The following ZNF790 variants were observed in gnomAD, a reference collection of about 807,000 sequenced individuals.
ZNF790 encodes the protein zinc finger protein 790.
A neutral mutation model predicts 12.1 loss-of-function variants in ZNF790; 8 were observed. The observed-to-expected ratio is 0.66, with a 90% CI of 0.39 to 1.19. ZNF790 has a LOEUF of 1.19. Ranked by LOEUF, ZNF790 falls within the 50% of genes most tolerant of loss-of-function variation. ZNF790 has a pLI of 0.01. For synonymous variants in ZNF790, 252 were observed against 244.3 expected, an observed-to-expected ratio of 1.03 and a Z score of -0.29; for missense variants, 707 against 752.2, an observed-to-expected ratio of 0.94 and a Z score of 0.70.
Position 36,818,221 on chromosome 19 carries a change from T to C in ZNF790, c.*212A>G, listed in dbSNP as rs1276830650. The C allele has an allele frequency of 7.9e-6, 3 of 379,222 alleles. No individual in the cohort carries two copies. Among genetic ancestry groups the C allele is most frequent in the African/African-American group, 4.1e-5 (2 of 48,680 alleles). The allele number at this position is 379,222 out of a possible 1,614,324, so 23.5% of individuals were successfully genotyped here. ...TATCTCATAAAATTTTACCCTGATATTCTGCAATTGATAACTGATCAGTAA... is the reference window on the plus strand; with the variant it reads ...TATCTCATAAAATTTTACCCTGATACTCTGCAATTGATAACTGATCAGTAA... On this transcript the variant is annotated 3_prime_UTR_variant, in exon 5 of 5. Transcript: ENST00000356725.
At chr19:36,847,520 C>A (rs968392405) in intron 1 of ZNF790, among the ~76,000 whole-genome samples, 1 of 151,012 alleles carries the variant, frequency 6.6e-6, no homozygotes, top group South Asian at 2.1e-4. Flanking sequence ...GAGGCCGAGG[C>A]GGGTGGATCA....
chr19:36,827,068 TTGTG>T (rs1174218490), intron 1 of ZNF790, among the ~76,000 whole-genome samples: 46 of 145,660 alleles, frequency 3.2e-4, no homozygotes, highest in African/African-American at 6.5e-4. Context: ...TATATGTGTG[TTGTG>T]TGTGTATGTG....
At chr19:36,824,330 A>G (rs1390430155) in intron 2 of ZNF790, among the ~76,000 whole-genome samples, 1 of 151,464 alleles carries the variant, frequency 6.6e-6, no homozygotes, top group South Asian at 2.1e-4. Context: ...TTTACGAGAC[A>G]GAGTGTTGCT....
At chr19:36,848,497 A>G (rs1435819636) in intron 1 of ZNF790, among the ~76,000 whole-genome samples, 1 of 152,152 alleles carries the variant, frequency 6.6e-6, no homozygotes, top group African/African-American at 2.4e-5. Context: ...TCACTCAACC[A>G]AGAGCCTTAG....
intron 1 of ZNF790, among the ~76,000 whole-genome samples, chr19:36,831,548 C>A (rs1180461231): frequency 2.0e-5 from 3 of 152,148 alleles, no homozygotes; most frequent in South Asian, 2.1e-4. Context: ...CACAGTGAGA[C>A]CCCCATCTCT....
intron 4 of ZNF790, among the ~76,000 whole-genome samples, chr19:36,821,839 G>C (rs944607658): frequency 6.6e-6 from 1 of 152,002 alleles, no homozygotes; most frequent in African/African-American, 2.4e-5. Flanking sequence ...CACCCGCCTC[G>C]GCCTTCTAAA....
In ZNF790 at chr19:36,819,333, A is replaced by G; in HGVS notation, c.1011T>C (p.Pro337=). 1 of 1,612,128 alleles carries G rather than the reference A, an allele frequency of 6.2e-7. No homozygotes were observed. Among genetic ancestry groups the G allele is most frequent in the Non-Finnish European group, 8.5e-7 (1 of 1,178,862 alleles). The change falls in exon 5 of 5, where the codon CCT becomes CCC. Residue 337 remains proline (P), a synonymous_variant. Transcript: ENST00000356725. ...KHQRIHTGEK[P]YECKECGKAF... ...CTTTCCCACACTCCTTACATTCATA[A>G]GGTTTTTCACCAGTGTGAATTCTCT... is the stretch of plus-strand genomic sequence containing the variant.
intron 1 of ZNF790, among the ~76,000 whole-genome samples, chr19:36,845,801 T>TTC (rs1246017027): frequency 6.6e-6 from 1 of 151,576 alleles, no homozygotes; most frequent in African/African-American, 2.4e-5. Context: ...CTAGATTCTT[T>TTC]TTTTTTTTTT....
intron 1 of ZNF790, among the ~76,000 whole-genome samples, chr19:36,847,298 C>A (rs1384129545): frequency 6.6e-6 from 1 of 151,778 alleles, no homozygotes; most frequent in Non-Finnish European, 1.5e-5. Flanking sequence ...TTGCAGTGAG[C>A]CGAGATTGCG....
intron 1 of ZNF790, among the ~76,000 whole-genome samples, chr19:36,847,632 C>T (rs2072192508): frequency 6.6e-6 from 1 of 151,946 alleles, no homozygotes; most frequent in Non-Finnish European, 1.5e-5. Flanking sequence ...TGCCTGTAAT[C>T]CCAGCTACTT....
At chr19:36,827,139 C>CATATATATATATATATATAT (rs1292370504) in intron 1 of ZNF790, among the ~76,000 whole-genome samples, 1 of 70,208 alleles carries the variant, frequency 1.4e-5, no homozygotes, top group African/African-American at 6.2e-5. Flanking sequence ...CACACACACA[C>CATATATATATATATATATAT]ACATATATAT....
chr19:36,823,896 G>C, intron 2 of ZNF790, 106 bp from the exon 3 acceptor site: 1 of 1,052,064 alleles, frequency 9.5e-7, no homozygotes, highest in Non-Finnish European at 1.3e-6. Context: ...GCAGGGAGTG[G>C]GGCATATATT....
intron 1 of ZNF790, among the ~76,000 whole-genome samples, chr19:36,847,012 A>T (rs2072186307): frequency 1.3e-5 from 2 of 151,770 alleles, no homozygotes; most frequent in African/African-American, 2.4e-5. Context: ...TTCTTGGTTC[A>T]TGGGTCCTAA....
chr19:36,842,691 A>G (rs543614578), upstream of ZNF790, among the ~76,000 whole-genome samples: 1 of 151,824 alleles, frequency 6.6e-6, no homozygotes, highest in South Asian at 2.1e-4. Context: ...AAAGCTTTTT[A>G]ACTTTTTTTT....
Position 36,819,879 on chromosome 19 carries a change from T to C in ZNF790, c.465A>G (p.Thr155=), listed in dbSNP as rs568867922. Reference sequence around the variant, plus strand: ...TAAGTCTCTGGTGTAGATTAAACACTGTATGCTGGTTAAAAGTGGGCCTTT... The same window carrying C: ...TAAGTCTCTGGTGTAGATTAAACACCGTATGCTGGTTAAAAGTGGGCCTTT... ...CEKRPTFNQH[T]VFNLHQRLNT... The change falls in exon 5 of 5, where the codon ACA becomes ACG. Residue 155 remains threonine, a synonymous_variant. Transcript: ENST00000356725. The C allele has an allele frequency of 1.2e-6, 2 of 1,613,980 alleles. No homozygotes were observed. The highest frequency in any genetic ancestry group is 2.2e-5 in the East Asian group (1 of 44,854).
intron 1 of ZNF790, among the ~76,000 whole-genome samples, chr19:36,836,427 G>A (rs1010872351): frequency 1.3e-5 from 2 of 151,748 alleles, no homozygotes; most frequent in African/African-American, 2.4e-5. Context: ...ATTGTGGGCC[G>A]CAACCAAATG....
At chr19:36,836,567 G>A (rs1388898654) in intron 1 of ZNF790, among the ~76,000 whole-genome samples, 1 of 152,124 alleles carries the variant, frequency 6.6e-6, no homozygotes, top group Admixed American at 6.6e-5. Flanking sequence ...GACCATCCTG[G>A]CCGACACGGT....
chr19:36,839,918 C>T (rs1466883996), upstream of ZNF790, among the ~76,000 whole-genome samples: 2 of 151,914 alleles, frequency 1.3e-5, no homozygotes, highest in Non-Finnish European at 2.9e-5. Flanking sequence ...CAAAAATTAG[C>T]TAGGTGTGGT....
At chr19:36,844,797 C>T (rs1051795858) in intron 1 of ZNF790, among the ~76,000 whole-genome samples, 5 of 151,852 alleles carry the variant, frequency 3.3e-5, no homozygotes, top group Non-Finnish European at 7.4e-5. Flanking sequence ...GCCTGTAATC[C>T]CAGCACTTTG....
Sources: allele counts gnomAD v4.1 joint callset (sites outside exome capture counted in the v4.1 genomes callset), GRCh38; gene constraint gnomAD v4.1.1; transcripts MANE v1.5; gene names NCBI Gene and HGNC (gene_info 2026-07-23, HGNC 2026-07-21).